Variants in EPB41 observed in about 807,000 individuals in gnomAD.
EPB41 encodes the protein protein 4.1.
A neutral mutation model predicts 108.0 loss-of-function variants in EPB41; 65 were observed. The ratio of observed to expected loss-of-function variants is 0.60; its 90% CI spans 0.49 to 0.74. The LOEUF is 0.74. Among genes scored for constraint, EPB41 ranks in the 30% least tolerant of loss-of-function variants. The probability of loss-of-function intolerance (pLI) is 0.00; values close to 1 mark genes in which losing one functional copy is unlikely to be tolerated. For synonymous variants in EPB41, 336 were observed against 358.9 expected (o/e 0.94, Z 0.72); for missense variants, 875 against 1,037.0 (o/e 0.84, Z 2.15).
chr1:28,967,182 C>A (rs556875975), intron 1 of EPB41, among the ~76,000 whole-genome samples: 4 of 152,154 alleles, frequency 2.6e-5, no homozygotes, highest in African/African-American at 9.6e-5. Context: ...CCACACCCGG[C>A]TAAGTTTTTG....
At chr1:28,962,865 T>A (rs1341257374) in intron 1 of EPB41, among the ~76,000 whole-genome samples, 1 of 152,208 alleles carries the variant, frequency 6.6e-6, no homozygotes, top group Non-Finnish European at 1.5e-5. Flanking sequence ...TGTGGGGTTC[T>A]CTCTCACCAC....
At chr1:28,969,675 G>A (rs1172739823) in intron 1 of EPB41, among the ~76,000 whole-genome samples, 4 of 151,936 alleles carry the variant, frequency 2.6e-5, no homozygotes, top group Admixed American at 6.6e-5. Context: ...TGAGGCGGGC[G>A]GATCACGAGG....
intron 1 of EPB41, chr1:28,982,242 G>T (rs2095768208): frequency 1.1e-5 from 5 of 439,380 alleles, no homozygotes; most frequent in South Asian, 5.5e-5. Context: ...TTTTATGGCT[G>T]CTTCTTTTTA....
intron 1 of EPB41, among the ~76,000 whole-genome samples, chr1:28,977,394 CT>C (rs58214592): frequency 0.32 from 43,210 of 135,660 alleles, 7,612 homozygotes; most frequent in East Asian, 0.83. Context: ...GTATGTTTTT[CT>C]TTTTTTTTTT....
At chr1:28,911,265 A>G (rs1464297691), upstream of EPB41, 8 of 694,932 alleles carry the variant, frequency 1.2e-5, no homozygotes. Context: ...AGTACTTTAC[A>G]GTTTACAAAG....
At position 28,991,878 on chromosome 1, in the gene EPB41, C is replaced by T. The variant is rs555020367; in HGVS notation, c.469-1452C>T. On this transcript the variant is annotated intron_variant, in intron 2 of 20. Transcript: ENST00000343067. The stretch of plus-strand genomic sequence containing the variant: ...ATCAAGTGGGGATATAATAATACTA[C>T]GTGCCTCGCAGGGTAGTTATGAGGA... Among the ~76,000 whole-genome samples, 14 of 152,174 alleles carry T rather than the reference C, an allele frequency of 9.2e-5. No homozygotes were observed. The South Asian group carries it at 2.3e-3, about 25-fold the overall frequency.
At chr1:28,894,468 A>G (rs1026251063) in intron 1 of EPB41, among the ~76,000 whole-genome samples, 3 of 152,156 alleles carry the variant, frequency 2.0e-5, no homozygotes, top group African/African-American at 7.2e-5. Context: ...GCTCTGGTAA[A>G]GTGAGCTCTG....
At chr1:28,949,698 G>C (rs975130134) in intron 1 of EPB41, among the ~76,000 whole-genome samples, 8 of 151,290 alleles carry the variant, frequency 5.3e-5, no homozygotes, top group Admixed American at 6.6e-5. Context: ...CCACCTCCTG[G>C]GTTCAAGCGA....
intron 1 of EPB41, among the ~76,000 whole-genome samples, chr1:28,971,594 G>A (rs2095498124): frequency 6.6e-6 from 1 of 152,158 alleles, no homozygotes; most frequent in Non-Finnish European, 1.5e-5. Context: ...ATGCTTGTTG[G>A]CAGGCCACTT....
intron 1 of EPB41, among the ~76,000 whole-genome samples, chr1:28,966,238 C>G (rs560189547): frequency 3.0e-4 from 46 of 151,902 alleles, no homozygotes; most frequent in African/African-American, 1.1e-3. Context: ...GTTAGCATAT[C>G]TACATCTGAA....
intron 4 of EPB41, among the ~76,000 whole-genome samples, chr1:29,005,296 A>G (rs2096380548): frequency 6.6e-6 from 1 of 152,110 alleles, no homozygotes; most frequent in Admixed American, 6.5e-5. Flanking sequence ...AACTCTTATC[A>G]TGAGAACAAC....
At position 28,997,229 on chromosome 1, in the gene EPB41, A is replaced by C. The variant is rs756652002; in HGVS notation, c.696A>C (p.Gly232=). The part of the protein sequence containing the change: ...YECVVEKHAK[G]QDLLKRVCEH... The stretch of plus-strand genomic sequence containing the variant: ...TATCTTTGCAGAAACATGCTAAGGG[A>C]CAAGATTTGCTTAAACGAGTATGTG... The change falls in exon 4 of 21, where the codon GGA becomes GGC. Residue 232 remains glycine (G), a synonymous_variant. Coordinates refer to ENST00000343067, the MANE Select transcript of EPB41 (RefSeq NM_001376013.1). 4.3e-6 allele frequency: 7 copies of C among 1,613,506 alleles called. No individual in the cohort carries two copies. The highest frequency in any genetic ancestry group is 1.3e-5 in the African/African-American group (1 of 74,904).
rs577850620 is a variant in EPB41 at position 29,018,247 on chromosome 1, G to A, written c.929G>A (p.Arg310Gln). Reference sequence around the variant, plus strand: ...AGATATTATTTATGTCTTCAGCTTCGGCAGGACATAGTTGCAGGACGTCTG... The same window carrying A: ...AGATATTATTTATGTCTTCAGCTTCAGCAGGACATAGTTGCAGGACGTCTG... ...ITRYYLCLQLRQDIVAGRLPC... is the reference protein window; with the variant it reads ...ITRYYLCLQLQQDIVAGRLPC... Residue 310 changes from arginine (R) to glutamine (Q), a missense_variant, in exon 7 of 21, where the codon CGG becomes CAG. This residue lies in a region of EPB41 where 353 missense variants were observed against 393.2 expected (regional missense o/e 0.90). Coordinates refer to ENST00000343067, the MANE Select transcript of EPB41 (RefSeq NM_001376013.1). This position sits in a 1 kb window ranked among gnomAD's most constrained non-coding sequence, Gnocchi z 4.4. 1.4e-5 allele frequency: 22 copies of A among 1,613,402 alleles called. No homozygotes were observed. The South Asian group carries it at 1.6e-4, about 12-fold the overall frequency.
At chr1:29,010,644 C>T (rs2096484423) in intron 4 of EPB41, among the ~76,000 whole-genome samples, 1 of 152,148 alleles carries the variant, frequency 6.6e-6, no homozygotes, top group Admixed American at 6.5e-5. Flanking sequence ...CCTTATTTTG[C>T]ATGGTCTACC....
chr1:28,913,912 G>A (rs2092389744), upstream of EPB41, among the ~76,000 whole-genome samples: 1 of 152,158 alleles, frequency 6.6e-6, no homozygotes, highest in Non-Finnish European at 1.5e-5. Flanking sequence ...TTGCCAGGGG[G>A]GAATTAGGAG....
At chr1:28,984,817 C>T (rs2095837962) in intron 1 of EPB41, among the ~76,000 whole-genome samples, 1 of 152,032 alleles carries the variant, frequency 6.6e-6, no homozygotes, top group East Asian at 1.9e-4. Context: ...GCCACCCATA[C>T]CTGGCTAATT....
chr1:29,089,722 T>C (rs896714821), intron 16 of EPB41, among the ~76,000 whole-genome samples: 1 of 152,080 alleles, frequency 6.6e-6, no homozygotes, highest in Non-Finnish European at 1.5e-5. Context: ...ATATGTGGAG[T>C]TGTAGCTGGA....
chr1:29,049,576 T>C (rs1325530505), intron 11 of EPB41, among the ~76,000 whole-genome samples: 1 of 152,192 alleles, frequency 6.6e-6, no homozygotes, highest in Non-Finnish European at 1.5e-5. Context: ...ACACAAATGA[T>C]TTATGTGGTC....
At chr1:28,945,887 G>T (rs1172290928) in intron 1 of EPB41, among the ~76,000 whole-genome samples, 1 of 152,174 alleles carries the variant, frequency 6.6e-6, no homozygotes, top group Non-Finnish European at 1.5e-5. Flanking sequence ...TAGTAGTGCT[G>T]GTTAATATAG....
Sources: gnomAD v4.1 joint callset for allele counts (sites outside exome capture counted in the v4.1 genomes callset) on GRCh38, gnomAD v4.1.1 for gene constraint, gnomAD v4.1.1 regional missense constraint, Gnocchi (gnomAD v3.1) non-coding constraint, MANE v1.5 for transcripts, NCBI Gene and HGNC (gene_info 2026-07-23, HGNC 2026-07-21) for gene names.